Variants in MAOB observed in about 807,000 individuals in gnomAD.
MAOB encodes monoamine oxidase B.
In MAOB, 15 loss-of-function variants were observed where a neutral mutation model predicts 41.9. That is an observed-to-expected ratio of 0.36 (90% CI 0.24 to 0.55). The LOEUF is 0.55. Among genes scored for constraint, MAOB ranks in the 20% least tolerant of loss-of-function variants. MAOB has a pLI of 0.86. For missense variants in MAOB, 345 were observed against 398.7 expected (o/e 0.87, Z 1.15); for synonymous variants, 167 against 144.2 (o/e 1.16, Z -1.13).
intron 12 of MAOB, among the ~76,000 whole-genome samples, chrX:43,769,817 T>A (rs921942961): frequency 9.0e-5 from 10 of 111,322 alleles, no homozygotes; most frequent in Admixed American, 3.8e-4. Flanking sequence ...GGCAAATCAC[T>A]TACTCTCACT....
chrX:43,769,075 T>C (rs187771551), intron 13 of MAOB, among the ~76,000 whole-genome samples: 1 of 112,022 alleles, frequency 8.9e-6, no homozygotes, highest in Admixed American at 9.4e-5. Context: ...TATAGTCAGG[T>C]TGATCGTTTG....
At chrX:43,790,343 A>G (rs2034447643) in intron 8 of MAOB, among the ~76,000 whole-genome samples, 1 of 111,853 alleles carries the variant, frequency 8.9e-6, no homozygotes, top group African/African-American at 3.3e-5. Context: ...ATTGGATGTG[A>G]GTCTGGAGCC....
intron 1 of MAOB, among the ~76,000 whole-genome samples, chrX:43,861,009 A>G (rs1313117410): frequency 8.9e-6 from 1 of 111,998 alleles, no homozygotes; most frequent in African/African-American, 3.2e-5. Flanking sequence ...ATCCTATTTT[A>G]CTTTTCATCG....
At chrX:43,800,326 G>C (rs1009411177) in intron 5 of MAOB, among the ~76,000 whole-genome samples, 1 of 110,586 alleles carries the variant, frequency 9.0e-6, no homozygotes, top group Non-Finnish European at 1.9e-5. Context: ...TTCATAACAG[G>C]AGTTATAAAA....
At chrX:43,793,136 A>C (rs1190046041) in intron 8 of MAOB, among the ~76,000 whole-genome samples, 1 of 111,850 alleles carries the variant, frequency 8.9e-6, no homozygotes, top group Non-Finnish European at 1.9e-5. Context: ...CATGGGGTAC[A>C]TATGGATATA....
chrX:43,784,145 C>T (rs2034370629), intron 8 of MAOB, among the ~76,000 whole-genome samples: 1 of 112,093 alleles, frequency 8.9e-6, no homozygotes, highest in South Asian at 3.7e-4. Context: ...CACTGAATCC[C>T]TCAAAGTCAC....
At chrX:43,882,021 G>A (rs1265501254) in intron 1 of MAOB, among the ~76,000 whole-genome samples, 3 of 112,305 alleles carry the variant, frequency 2.7e-5, no homozygotes, top group Non-Finnish European at 3.8e-5. Context: ...TCTGGCCCCA[G>A]AGCTGCAACA....
At chrX:43,873,199 A>T in intron 1 of MAOB, among the ~76,000 whole-genome samples, 1 of 112,249 alleles carries the variant, frequency 8.9e-6, no homozygotes, top group Non-Finnish European at 1.9e-5. Flanking sequence ...AAGAAATGAG[A>T]TATAACTAAA....
chrX:43,772,017 C>G (rs2034191569), intron 12 of MAOB, among the ~76,000 whole-genome samples: 1 of 111,707 alleles, frequency 9.0e-6, no homozygotes, highest in Non-Finnish European at 1.9e-5. Flanking sequence ...TCACCCTATC[C>G]AGAAGAAACA....
At position 43,793,571 on chromosome X, in the gene MAOB, T is replaced by C. The variant is rs994767552; in HGVS notation, c.776A>G (p.Tyr259Cys). 1 of 1,192,577 alleles carries C rather than the reference T, an allele frequency of 8.4e-7. No individual in the cohort carries two copies. Among genetic ancestry groups the C allele is most frequent in the Non-Finnish European group, 1.1e-6 (1 of 887,955 alleles). ...TLNHEMYEAK[Y>C]VISAIPPTLG... is the part of the protein sequence containing the mutation. Reference sequence around the variant, plus strand: ...AGTAGGAGGAATAGCACTAATCACATATTTAGCCTGAAAGAAAAGCAACAT... The same window carrying C: ...AGTAGGAGGAATAGCACTAATCACACATTTAGCCTGAAAGAAAAGCAACAT... Residue 259 changes from tyrosine (Y) to cysteine (C), a missense_variant, in exon 8 of 15, where the codon TAT becomes TGT. Physicochemically the swap from Tyr to Cys is radical, Grantham distance 194 (BLOSUM62 -2). Coordinates refer to ENST00000378069, the MANE Select transcript of MAOB (RefSeq NM_000898.5).
chrX:43,869,008 A>G (rs2147180384), intron 1 of MAOB, among the ~76,000 whole-genome samples: 1 of 111,452 alleles, frequency 9.0e-6, no homozygotes, highest in Admixed American at 9.5e-5. Context: ...TGTTGCCGGC[A>G]AAGATTTCGG....
chrX:43,841,937 G>C (rs147050324), intron 2 of MAOB, among the ~76,000 whole-genome samples: 241 of 111,571 alleles, frequency 2.2e-3, no homozygotes, highest in African/African-American at 7.4e-3. Flanking sequence ...ATAGATTAAA[G>C]ACTTAAACAC....
At chrX:43,806,366 A>T (rs1849769951) in intron 3 of MAOB, among the ~76,000 whole-genome samples, 1 of 111,867 alleles carries the variant, frequency 8.9e-6, no homozygotes, top group Non-Finnish European at 1.9e-5. Flanking sequence ...AATACGGGTC[A>T]GTTATCTGGT....
Position 43,862,369 on chromosome X carries a change from C to T in MAOB, c.47-18605G>A, listed in dbSNP as rs771048135. The stretch of plus-strand genomic sequence containing the variant: ...CTCATGCTTCCCCAATTCCTTGTCT[C>T]TCTTAACTGACCCAAATTCAAAGCC... On this transcript the variant is annotated intron_variant, in intron 1 of 14. Transcript: ENST00000378069. Among the ~76,000 whole-genome samples the T allele has an allele frequency of 2.7e-5, 3 of 111,734 alleles. No homozygotes were observed. The South Asian group carries it at 1.1e-3, about 42-fold the overall frequency.
chrX:43,782,994 AAAT>A (rs1291247924), intron 8 of MAOB, among the ~76,000 whole-genome samples: 1 of 111,869 alleles, frequency 8.9e-6, no homozygotes, highest in Non-Finnish European at 1.9e-5. Context: ...ACGTATCTCA[AAAT>A]AATAAGAGCT....
intron 1 of MAOB, among the ~76,000 whole-genome samples, chrX:43,874,228 C>T (rs2035426557): frequency 8.9e-6 from 1 of 112,023 alleles, no homozygotes; most frequent in African/African-American, 3.2e-5. Flanking sequence ...GGAGTGCCTA[C>T]AACTTCATTA....
intron 9 of MAOB, among the ~76,000 whole-genome samples, chrX:43,780,779 C>T (rs749250259): frequency 8.9e-6 from 1 of 111,986 alleles, no homozygotes; most frequent in African/African-American, 3.2e-5. Flanking sequence ...GTTTTGTCTC[C>T]ACCATGGTGT....
rs184337704 is a variant in MAOB at position 43,863,403 on chromosome X, G to T, written c.46+18851C>A. Reference sequence around the variant, plus strand: ...AAATCAGGTGAAAAGATAAAAAATCGTGTCTATACTATGACAGCAAATATA... The same window carrying T: ...AAATCAGGTGAAAAGATAAAAAATCTTGTCTATACTATGACAGCAAATATA... On this transcript the variant is annotated intron_variant, in intron 1 of 14. Transcript: ENST00000378069. Among the ~76,000 whole-genome samples the T allele has an allele frequency of 6.5e-3, 721 of 111,417 alleles. 4 individuals are homozygous for T. Among genetic ancestry groups the T allele is most frequent in the African/African-American group, 0.022 (680 of 30,734 alleles).
Position 43,795,809 on chromosome X carries a change from C to T in MAOB, c.698G>A (p.Arg233Lys), listed in dbSNP as rs2034520553. Reference protein sequence around the residue: ...DLLGDRVKLERPVIYIDQTRE... With the variant: ...DLLGDRVKLEKPVIYIDQTRE... ...TGTCTGGTCAATGTAGATCACAGGCCTCTCCAGCTTCACTCGGTCTCCAAG... is the reference window on the plus strand; with the variant it reads ...TGTCTGGTCAATGTAGATCACAGGCTTCTCCAGCTTCACTCGGTCTCCAAG... The change falls in exon 7 of 15, where the codon AGG becomes AAG. Residue 233 changes from arginine (R) to lysine (K), a missense_variant. By Grantham distance (26) the Arg-to-Lys change is conservative (BLOSUM62 2). Transcript: ENST00000378069. 3 of 1,209,087 alleles carry T rather than the reference C, an allele frequency of 2.5e-6. No individual in the cohort carries two copies. The highest frequency in any genetic ancestry group is 3.4e-6 in the Non-Finnish European group (3 of 894,486).
Sources: gnomAD v4.1 joint callset for allele counts (sites outside exome capture counted in the v4.1 genomes callset) on GRCh38, gnomAD v4.1.1 for gene constraint, MANE v1.5 for transcripts, NCBI Gene and HGNC (gene_info 2026-07-23, HGNC 2026-07-21) for gene names.